The following DUSP15 variants were observed in gnomAD, a reference collection of about 807,000 sequenced individuals.
DUSP15 encodes dual specificity phosphatase 15.
A neutral mutation model predicts 26.3 loss-of-function variants in DUSP15; 23 were observed. The ratio of observed to expected loss-of-function variants is 0.87; its 90% CI spans 0.63 to 1.24. The LOEUF is 1.24. DUSP15 is among the 50% of genes most tolerant of loss of function. The probability of loss-of-function intolerance (pLI) is 0.00; values close to 1 mark genes in which losing one functional copy is unlikely to be tolerated. For missense variants in DUSP15, 364 were observed against 320.6 expected, an observed-to-expected ratio of 1.14 and a Z score of -1.03; for synonymous variants, 143 against 135.5, an observed-to-expected ratio of 1.06 and a Z score of -0.39.
chr20:31,845,687 G>A, downstream of DUSP15: 1 of 954,920 alleles, frequency 1.0e-6, no homozygotes, highest in Non-Finnish European at 1.5e-6. Context: ...TGGGTCTGCT[G>A]AGCCATCCTC....
chr20:31,863,769 A>G (rs1026944861), intron 5 of DUSP15, 138 bp downstream of exon 5: 14 of 817,624 alleles, frequency 1.7e-5, no homozygotes, highest in South Asian at 1.5e-4. Context: ...TCTCCAGTGA[A>G]TGGTGGGCCC....
At chr20:31,851,058 A>G (rs2062460376) in intron 6 of DUSP15, among the ~76,000 whole-genome samples, 1 of 152,264 alleles carries the variant, frequency 6.6e-6, no homozygotes, top group Admixed American at 6.5e-5. Context: ...CCAATGTATT[A>G]GAAGTCAATA....
rs776140777 is a variant in DUSP15 at position 31,870,380 on chromosome 20, C to G, written c.-43G>C. On this transcript the variant is annotated 5_prime_UTR_variant, in exon 1 of 7. Transcript: ENST00000339738. This position sits in a 1 kb window ranked among gnomAD's most constrained non-coding sequence, Gnocchi z 6.6. ...TCCGGGTGCACCCCCAGCTCGCCGCCCGGGAAGCGATCCGGTCACAGCTGC... is the reference window on the plus strand; with the variant it reads ...TCCGGGTGCACCCCCAGCTCGCCGCGCGGGAAGCGATCCGGTCACAGCTGC... The G allele has an allele frequency of 7.8e-7, 1 of 1,280,080 alleles. No individual in the cohort carries two copies. Among genetic ancestry groups the G allele is most frequent in the Non-Finnish European group, 9.9e-7 (1 of 1,013,906 alleles). The allele number at this position is 1,280,080 out of a possible 1,614,324, so 79.3% of individuals were successfully genotyped here.
chr20:31,870,308 G>A lies in DUSP15; in HGVS notation c.21+9C>T, dbSNP rs2062894016. ...GGACCGGGGAGGCTGCGCGGGGCCC[G>A]CCCCCTACCTTGGTCATGCCATTGC... On this transcript the variant is annotated intron_variant, in intron 1 of 6. Transcript: ENST00000339738. The surrounding 1 kb of genome is among the most constrained non-coding windows in gnomAD (Gnocchi z 6.6). The A allele has an allele frequency of 2.4e-6, 3 of 1,246,688 alleles. No individual in the cohort carries two copies. The highest frequency in any genetic ancestry group is 3.0e-6 in the Non-Finnish European group (3 of 996,100). The allele number at this position is 1,246,688 out of a possible 1,614,324, so 77.2% of individuals were successfully genotyped here.
chr20:31,864,907 G>A, intron 4 of DUSP15, 46 bp downstream of exon 4: 1 of 1,587,918 alleles, frequency 6.3e-7, no homozygotes, highest in Non-Finnish European at 8.6e-7. Context: ...CCCCACCACA[G>A]AAGGCAGCTG....
At chr20:31,851,458 C>T (rs1445738722) in intron 6 of DUSP15, among the ~76,000 whole-genome samples, 1 of 151,756 alleles carries the variant, frequency 6.6e-6, no homozygotes, top group East Asian at 1.9e-4. Context: ...AGTGATGGAC[C>T]CAAGGAGGAC....
rs1315824816 is a variant in DUSP15 at position 31,869,586 on chromosome 20, T to C, written c.33A>G (p.Gly11=). 6.2e-7 allele frequency: 1 copy of C among 1,613,054 alleles called. No individual in the cohort carries two copies. MGNGMTKVLP[G]LYLGNFIDAK... is the part of the protein sequence containing the mutation. ...CACCAATGAAGTTTCCGAGGTAGAG[T>C]CCAGGAAGTACCTAGAGGAAGGACA... Residue 11 remains glycine (G), a synonymous_variant, in exon 2 of 7, where the codon GGA becomes GGG. Transcript: ENST00000339738.
At chr20:31,853,520 A>AC (rs1178181540) in intron 6 of DUSP15, among the ~76,000 whole-genome samples, 3 of 152,122 alleles carry the variant, frequency 2.0e-5, no homozygotes, top group African/African-American at 7.2e-5. Flanking sequence ...CTCTACTAAA[A>AC]AAAATAAAAA....
downstream of DUSP15, chr20:31,845,717 TC>T: frequency 1.4e-6 from 1 of 725,336 alleles, no homozygotes; most frequent in Non-Finnish European, 2.2e-6. Context: ...CTCGCCCCAC[TC>T]CCACAAGGCC....
intron 5 of DUSP15, chr20:31,863,664 C>T (rs1207605393): frequency 2.0e-5 from 10 of 495,730 alleles, no homozygotes; most frequent in Admixed American, 3.4e-5. Flanking sequence ...CTTTCTTTTC[C>T]GCATTTTACA....
At chr20:31,864,461 T>G (rs1410500014) in intron 4 of DUSP15, 2 of 1,037,584 alleles carry the variant, frequency 1.9e-6, no homozygotes, top group Non-Finnish European at 2.3e-6. Flanking sequence ...AATCCCGTTT[T>G]CTGAGCTCAG....
In DUSP15 at chr20:31,867,165, AGGATGCTTGAGCCAATCT is replaced by A. The variant is rs1463892027; in HGVS notation, c.56-30_56-13del. The A allele has an allele frequency of 1.3e-6, 2 of 1,572,774 alleles. No individual in the cohort carries two copies. Among genetic ancestry groups the A allele is most frequent in the South Asian group, 2.3e-5 (2 of 85,552 alleles). On this transcript the variant is annotated splice_polypyrimidine_tract_variant and intron_variant, in intron 2 of 6. Coordinates refer to ENST00000339738, the MANE Select transcript of DUSP15 (RefSeq NM_080611.5). Reference sequence around the variant, plus strand: ...CAGGTCTTTGGCATCTGAAAGAAACAGGATGCTTGAGCCAATCTGGCTGGCGGGATGTCCTGATGGCCA... The same window carrying A: ...CAGGTCTTTGGCATCTGAAAGAAACAGGCTGGCGGGATGTCCTGATGGCCA...
chr20:31,863,832 A>AG, intron 5 of DUSP15, 75 bp downstream of exon 5: 4 of 1,437,760 alleles, frequency 2.8e-6, no homozygotes, highest in Non-Finnish European at 3.9e-6. Flanking sequence ...ACCTTCCCAC[A>AG]GGGGGAGTGT....
chr20:31,847,271 A>G (rs1358617060), downstream of DUSP15, among the ~76,000 whole-genome samples: 2 of 152,266 alleles, frequency 1.3e-5, no homozygotes, highest in Admixed American at 1.3e-4. Context: ...TGAGCCTAGG[A>G]TTCTGTAATT....
chr20:31,867,638 T>TTG lies in DUSP15; in HGVS notation c.56-486_56-485insCA, dbSNP rs1461907127. Among the ~76,000 whole-genome samples, 61 of 40,804 alleles carry TTG rather than the reference T, an allele frequency of 1.5e-3. No individual in the cohort carries two copies. The South Asian group carries it at 0.017, about 11-fold the overall frequency. 26.8% of individuals were successfully genotyped at this position (40,804 alleles called of 152,430 possible). On this transcript the variant is annotated intron_variant, in intron 2 of 6. Coordinates refer to ENST00000339738, the MANE Select transcript of DUSP15 (RefSeq NM_080611.5). ...TGCAATGATGCCCACAATGTTTTTT[T>TTG]TTTTTTTTTTTTTTTTTTTTTTTTG...
intron 6 of DUSP15, among the ~76,000 whole-genome samples, chr20:31,861,938 A>G (rs1176927479): frequency 1.3e-5 from 2 of 151,812 alleles, no homozygotes; most frequent in Admixed American, 1.3e-4. Context: ...GACCTGCTAA[A>G]GTGACCCCCA....
At chr20:31,848,138 G>C in exon 10 of DUSP15, 1 of 466,910 alleles carries the variant, frequency 2.1e-6, no homozygotes, top group South Asian at 3.4e-5. Flanking sequence ...CTGTCAGCAA[G>C]AGATGAAGTC....
chr20:31,862,258 G>C (rs769464383), intron 6 of DUSP15, among the ~76,000 whole-genome samples: 2 of 152,266 alleles, frequency 1.3e-5, no homozygotes, highest in Non-Finnish European at 1.5e-5. Flanking sequence ...AATTCTCCCC[G>C]ATGGGGTCAA....
chr20:31,845,869 G>A (rs989431918), downstream of DUSP15, among the ~76,000 whole-genome samples: 1 of 152,142 alleles, frequency 6.6e-6, no homozygotes, highest in African/African-American at 2.4e-5. Context: ...GTGAAACTGA[G>A]CGGGACAGAG....
Sources: allele counts gnomAD v4.1 joint callset (sites outside exome capture counted in the v4.1 genomes callset), GRCh38; gene constraint gnomAD v4.1.1; non-coding constraint Gnocchi (gnomAD v3.1); transcripts MANE v1.5; gene names NCBI Gene and HGNC (gene_info 2026-07-23, HGNC 2026-07-21).